CALN1: variants seen among roughly 807,000 people sequenced by gnomAD.
The protein encoded by CALN1 is calneuron 1, also known as calcium-binding protein 8.
In CALN1, 17 loss-of-function variants were observed where a neutral mutation model predicts 30.6. The ratio of observed to expected loss-of-function variants is 0.56; its 90% confidence interval spans 0.38 to 0.83. The LOEUF (loss-of-function observed/expected upper bound fraction) is 0.83, where lower values mean the gene tolerates loss of function less well. CALN1 is among the 40% of genes least tolerant of loss of function. The pLI is 0.00. For synonymous variants in CALN1, 156 were observed against 131.4 expected (o/e 1.19, Z -1.28); for missense variants, 291 against 354.9 (o/e 0.82, Z 1.45).
At chr7:72,492,900 G>A in the CALN1 span, among the ~76,000 whole-genome samples, 29,619 of 152,138 alleles carry the variant, frequency 0.19, 3,035 homozygotes, top group African/African-American at 0.23. Flanking sequence ...CATCACAGAT[G>A]ACTAACACAT....
chr7:72,049,770 A>C (rs1305038657), intron 4 of CALN1, among the ~76,000 whole-genome samples: 1 of 150,566 alleles, frequency 6.6e-6, no homozygotes, highest in Non-Finnish European at 1.5e-5. Flanking sequence ...GGTCTGCCAA[A>C]GTGCTGGGAT....
At chr7:71,980,065 A>T (rs1798312550) in intron 5 of CALN1, among the ~76,000 whole-genome samples, 1 of 150,378 alleles carries the variant, frequency 6.6e-6, no homozygotes. Context: ...TTTAGAAGAG[A>T]CAGGTTTTTA....
intron 3 of CALN1, among the ~76,000 whole-genome samples, chr7:72,114,573 A>G (rs1807832493): frequency 6.6e-6 from 1 of 152,120 alleles, no homozygotes; most frequent in African/African-American, 2.4e-5. Flanking sequence ...GGAGGGCTTT[A>G]GTGTGAATGA....
At chr7:72,172,098 C>T (rs1402403099) in intron 3 of CALN1, among the ~76,000 whole-genome samples, 1 of 152,182 alleles carries the variant, frequency 6.6e-6, no homozygotes, top group Non-Finnish European at 1.5e-5. Flanking sequence ...AAGAGTAATC[C>T]ACCAGGGAAC....
At chr7:71,995,380 T>C (rs1562963788) in intron 5 of CALN1, among the ~76,000 whole-genome samples, 1 of 152,250 alleles carries the variant, frequency 6.6e-6, no homozygotes, top group East Asian at 1.9e-4. Flanking sequence ...TGCTCTTTGT[T>C]AGAAAAGAAA....
rs1793035906 is a variant in CALN1, at chr7:71,787,349, CAG to C, written c.*424_*425del. The C allele has an allele frequency of 5.9e-6, 1 of 168,658 alleles. No individual in the cohort carries two copies. Among genetic ancestry groups the C allele is most frequent in the South Asian group, 1.6e-4 (1 of 6,322 alleles). 10.4% of individuals were successfully genotyped at this position (168,658 alleles called of 1,614,324 possible). On this transcript the variant is annotated 3_prime_UTR_variant, in exon 7 of 7. Coordinates refer to ENST00000395275, the MANE Select transcript of CALN1 (RefSeq NM_031468.4). ...TCTTGGAACTGAGGGTTGACCTCAG[CAG>C]AGAGTCTCCTGTTGACCCTTGGGTT...
At chr7:72,026,189 C>T (rs1460827437) in intron 4 of CALN1, among the ~76,000 whole-genome samples, 2 of 152,164 alleles carry the variant, frequency 1.3e-5, no homozygotes, top group Non-Finnish European at 2.9e-5. Flanking sequence ...GAGAGATCAC[C>T]TCTATAATGC....
chr7:71,815,259 A>C (rs558135914), intron 5 of CALN1, among the ~76,000 whole-genome samples: 1 of 152,240 alleles, frequency 6.6e-6, no homozygotes, highest in East Asian at 1.9e-4. Context: ...AGTGCCCCTC[A>C]TCTTTGCTTT....
chr7:72,013,972 T>C (rs879800170), intron 5 of CALN1, among the ~76,000 whole-genome samples: 3 of 152,110 alleles, frequency 2.0e-5, no homozygotes, highest in Non-Finnish European at 2.9e-5. Context: ...TGGCCAAGTG[T>C]CACCAAATAG....
chr7:72,366,237 C>A (rs1211601177), intron 2 of CALN1, among the ~76,000 whole-genome samples: 14 of 151,724 alleles, frequency 9.2e-5, no homozygotes, highest in Admixed American at 6.6e-4. Flanking sequence ...GCAGTGGCGC[C>A]ATCTCAGCTC....
At chr7:72,365,292 C>T (rs1803813514) in intron 2 of CALN1, among the ~76,000 whole-genome samples, 1 of 152,024 alleles carries the variant, frequency 6.6e-6, no homozygotes, top group African/African-American at 2.4e-5. Context: ...AAAGTTGTGC[C>T]ACTGCACTCC....
intron 5 of CALN1, among the ~76,000 whole-genome samples, chr7:71,982,768 C>T (rs1798467120): frequency 6.6e-6 from 1 of 152,090 alleles, no homozygotes; most frequent in African/African-American, 2.4e-5. Context: ...AAGCAGCCCC[C>T]AAATCATTTC....
chr7:72,228,710 A>T (rs1793858776), intron 3 of CALN1, among the ~76,000 whole-genome samples: 1 of 151,138 alleles, frequency 6.6e-6, no homozygotes, highest in African/African-American at 2.4e-5. Context: ...TACAGCAAGC[A>T]CTCCACAAGT....
At chr7:72,205,551 A>AAAATATATATATATATATATATATAT in intron 3 of CALN1, among the ~76,000 whole-genome samples, 1 of 83,052 alleles carries the variant, frequency 1.2e-5, no homozygotes, top group African/African-American at 7.5e-5. Flanking sequence ...GCAAAAAAAA[A>AAAATATATATATATATATATATATAT]ATATATATAT....
chr7:71,869,274 G>A (rs1451675146), intron 5 of CALN1, among the ~76,000 whole-genome samples: 2 of 151,570 alleles, frequency 1.3e-5, no homozygotes, highest in East Asian at 1.9e-4. Context: ...GCAATGGCAC[G>A]ATATTGGCTC....
chr7:71,972,232 T>C (rs1797884097), intron 5 of CALN1, among the ~76,000 whole-genome samples: 1 of 152,194 alleles, frequency 6.6e-6, no homozygotes, highest in African/African-American at 2.4e-5. Context: ...AGCTTAATGA[T>C]GACATTCAAT....
intron 2 of CALN1, among the ~76,000 whole-genome samples, chr7:72,396,910 A>C (rs756596002): frequency 6.6e-6 from 1 of 152,026 alleles, no homozygotes; most frequent in African/African-American, 2.4e-5. Flanking sequence ...GTAGTAGTAA[A>C]AGTAGTAGTA....
chr7:72,308,401 G>C (rs978147118), intron 2 of CALN1, among the ~76,000 whole-genome samples: 8 of 121,090 alleles, frequency 6.6e-5, no homozygotes, highest in Non-Finnish European at 1.1e-4. Context: ...GAGAGAGAGA[G>C]AGAGGAAAGA....
At chr7:72,163,782 G>A (rs1044111608) in intron 3 of CALN1, among the ~76,000 whole-genome samples, 1 of 152,146 alleles carries the variant, frequency 6.6e-6, no homozygotes, top group Admixed American at 6.6e-5. Flanking sequence ...GAGATTCAGT[G>A]ACCTGTGAGA....
Sources: gnomAD v4.1 joint callset for allele counts (sites outside exome capture counted in the v4.1 genomes callset) on GRCh38, gnomAD v4.1.1 for gene constraint, MANE v1.5 for transcripts, NCBI Gene and HGNC (gene_info 2026-07-23, HGNC 2026-07-21) for gene names.